The following SAMD8 variants were observed in gnomAD, a reference collection of about 807,000 sequenced individuals.
SAMD8 encodes the protein sterile alpha motif domain containing 8.
In SAMD8, 20 loss-of-function variants were observed where a neutral mutation model predicts 42.0. The ratio of observed to expected loss-of-function variants is 0.48; its 90% CI spans 0.34 to 0.69. SAMD8 has a LOEUF of 0.69. Ranked by LOEUF, SAMD8 falls within the 30% of genes least tolerant of loss-of-function variation. The pLI is 0.01. For synonymous variants in SAMD8, 162 were observed against 173.0 expected (o/e 0.94, Z 0.50); for missense variants, 328 against 511.6 (o/e 0.64, Z 3.46).
At chr10:75,147,963 G>C (rs909978801) in intron 1 of SAMD8, among the ~76,000 whole-genome samples, 1 of 152,102 alleles carries the variant, frequency 6.6e-6, no homozygotes, top group Non-Finnish European at 1.5e-5. Flanking sequence ...AGAGTTAAGA[G>C]TTTTTGTTAT....
At chr10:75,151,210 A>G in intron 2 of SAMD8, 104 bp downstream of exon 2, 2 of 566,922 alleles carry the variant, frequency 3.5e-6, no homozygotes, top group Non-Finnish European at 5.6e-6. Context: ...TGGTAGATGT[A>G]TACTTTCCAT....
At chr10:75,108,073 G>A, upstream of SAMD8, 1 of 1,613,894 alleles carries the variant, frequency 6.2e-7, no homozygotes, top group Non-Finnish European at 8.5e-7. Flanking sequence ...GGGAGGTCGT[G>A]GGCTGGCACC....
At chr10:75,106,604 A>C (rs1032280704) in intron 1 of SAMD8, among the ~76,000 whole-genome samples, 2 of 151,628 alleles carry the variant, frequency 1.3e-5, no homozygotes, top group Non-Finnish European at 2.9e-5. Flanking sequence ...TGGGCTTAGC[A>C]CCCCCGCCGT....
chr10:75,164,967 G>T (rs1367383719), intron 3 of SAMD8, among the ~76,000 whole-genome samples: 1 of 152,216 alleles, frequency 6.6e-6, no homozygotes, highest in South Asian at 2.1e-4. Flanking sequence ...GATCAGAGAT[G>T]CCCTATGGCT....
At chr10:75,166,434 T>C (rs1276376777) in intron 3 of SAMD8, among the ~76,000 whole-genome samples, 4 of 152,040 alleles carry the variant, frequency 2.6e-5, no homozygotes, top group Admixed American at 2.0e-4. Flanking sequence ...CTCTCCATTG[T>C]CTTTGGAACA....
rs1414575031 is a variant in SAMD8, at chr10:75,178,551, A to C, written c.*1859A>C. On this transcript the variant is annotated 3_prime_UTR_variant, in exon 6 of 6. Coordinates refer to ENST00000542569, the MANE Select transcript of SAMD8 (RefSeq NM_001174156.2). ...TGGCTTTTGGGAAAGGGTTCAAAAA[A>C]CTGTATGGCAACATTAATGCTAAAA... is the stretch of plus-strand genomic sequence containing the variant. The C allele has an allele frequency of 2.0e-5, 3 of 152,196 alleles. No homozygotes were observed. Among genetic ancestry groups the C allele is most frequent in the Admixed American group, 6.5e-5 (1 of 15,286 alleles). The allele number at this position is 152,196 out of a possible 1,614,324, so 9.4% of individuals were successfully genotyped here.
chr10:75,181,176 T>G lies in SAMD8; in HGVS notation c.*4484T>G, dbSNP rs767568843. 1 of 152,226 alleles carries G rather than the reference T, an allele frequency of 6.6e-6. No homozygotes were observed. Among genetic ancestry groups the G allele is most frequent in the Non-Finnish European group, 1.5e-5 (1 of 68,044 alleles). The allele number at this position is 152,226 out of a possible 1,614,324, so 9.4% of individuals were successfully genotyped here. On this transcript the variant is annotated 3_prime_UTR_variant, in exon 6 of 6. Coordinates refer to ENST00000542569, the MANE Select transcript of SAMD8 (RefSeq NM_001174156.2). ...ACAGTACTGGTTTCATTTAGACAGT[T>G]TCTAAGCCAGCAAAGGTGTCAATTT...
intron 1 of SAMD8, among the ~76,000 whole-genome samples, chr10:75,129,569 G>GT (rs1342514783): frequency 1.3e-5 from 2 of 152,254 alleles, no homozygotes; most frequent in Admixed American, 1.3e-4. Flanking sequence ...TGATTAGCTA[G>GT]TTTCATTTGG....
intron 2 of SAMD8, among the ~76,000 whole-genome samples, chr10:75,161,994 C>T (rs1451183715): frequency 9.9e-5 from 15 of 151,980 alleles, no homozygotes; most frequent in Admixed American, 2.6e-4. Context: ...GCCAAAATCA[C>T]GCCACTACAG....
upstream of SAMD8, chr10:75,108,135 A>C: frequency 6.2e-7 from 1 of 1,613,544 alleles, no homozygotes; most frequent in Non-Finnish European, 8.5e-7. Flanking sequence ...CTGACAGTAG[A>C]GGCCCTTGTG....
In SAMD8 at chr10:75,106,007, C is replaced by A. The variant is rs1168157135; in HGVS notation, c.-16+6279C>A. ...GAGCAAGTCACTCAGCCTTTATGGA[C>A]CTCAGTTTCCTGATCGGTAAAATGG... On this transcript the variant is annotated intron_variant, in intron 1 of 3. Coordinates refer to the SAMD8 transcript ENST00000447533. The A allele has an allele frequency of 8.1e-6, 6 of 740,582 alleles. No individual in the cohort carries two copies. In the Admixed American group the frequency reaches 1.5e-4, roughly 19 times the overall value. The allele number at this position is 740,582 out of a possible 1,614,324, so 45.9% of individuals were successfully genotyped here. A position where few individuals can be genotyped will look rare whatever the true frequency, so the allele number is the denominator to read the frequency against.
At chr10:75,128,903 T>G (rs1219903504) in intron 1 of SAMD8, among the ~76,000 whole-genome samples, 2 of 152,182 alleles carry the variant, frequency 1.3e-5, no homozygotes, top group Non-Finnish European at 2.9e-5. Context: ...AGTGCCTAAA[T>G]AGCAAAATTT....
At chr10:75,104,175 AAGAG>A in intron 1 of SAMD8, 11 of 1,079,920 alleles carry the variant, frequency 1.0e-5, no homozygotes, top group Non-Finnish European at 1.1e-5. Flanking sequence ...GGGCAGGGAT[AAGAG>A]CTGTCACCTA....
At chr10:75,108,119 G>A, upstream of SAMD8, 2 of 1,613,780 alleles carry the variant, frequency 1.2e-6, no homozygotes, top group Non-Finnish European at 1.7e-6. Flanking sequence ...AGAAGTCAGG[G>A]CCGCCCTGAC....
rs142973042 is a variant in SAMD8, at chr10:75,143,060, G to A, written c.-15-7454G>A. Among the ~76,000 whole-genome samples, 1,174 of 151,406 alleles carry A rather than the reference G, an allele frequency of 7.8e-3. 18 individuals carry two copies. The highest frequency in any genetic ancestry group is 0.027 in the African/African-American group (1,131 of 41,300). ...GCGGTGGCTCACGCCTGTAATCCCAGCACTTTGGGAGGCCGAGGCGGGTGG... is the reference window on the plus strand; with the variant it reads ...GCGGTGGCTCACGCCTGTAATCCCAACACTTTGGGAGGCCGAGGCGGGTGG... On this transcript the variant is annotated intron_variant, in intron 1 of 5. Coordinates refer to ENST00000542569, the MANE Select transcript of SAMD8 (RefSeq NM_001174156.2).
intron 1 of SAMD8, among the ~76,000 whole-genome samples, chr10:75,150,050 A>G (rs1270022973): frequency 3.3e-5 from 5 of 149,928 alleles, no homozygotes; most frequent in Admixed American, 2.7e-4. Context: ...GTGTATATAC[A>G]TATGTGTGCG....
intron 1 of SAMD8, among the ~76,000 whole-genome samples, chr10:75,106,305 C>G (rs577665114): frequency 4.1e-4 from 62 of 152,048 alleles, no homozygotes; most frequent in African/African-American, 1.2e-3. Flanking sequence ...GTCCCTCCCC[C>G]ACCTTCAGCT....
At chr10:75,101,114 C>T (rs1053867843) in intron 1 of SAMD8, among the ~76,000 whole-genome samples, 1 of 152,122 alleles carries the variant, frequency 6.6e-6, no homozygotes, top group African/African-American at 2.4e-5. Flanking sequence ...AGAAGGGTGG[C>T]GTGTGGCTGC....
At chr10:75,128,613 AAAACT>A (rs1282197479) in intron 1 of SAMD8, among the ~76,000 whole-genome samples, 3 of 152,234 alleles carry the variant, frequency 2.0e-5, no homozygotes, top group African/African-American at 7.2e-5. Context: ...AAATGCAGGG[AAAACT>A]AAACTATATT....
Sources: allele counts gnomAD v4.1 joint callset (sites outside exome capture counted in the v4.1 genomes callset), GRCh38; gene constraint gnomAD v4.1.1; transcripts MANE v1.5; gene names NCBI Gene and HGNC (gene_info 2026-07-23, HGNC 2026-07-21).